LAMC3: variants seen among roughly 807,000 people sequenced by gnomAD.
LAMC3 encodes laminin subunit gamma 3, also known as laminin subunit gamma-3.
LAMC3 carries 128 observed loss-of-function variants against 173.8 expected under a neutral mutation model. The observed-to-expected ratio is 0.74, with a 90% confidence interval of 0.64 to 0.85. The LOEUF is 0.85. LAMC3 is among the 40% of genes least tolerant of loss of function. The probability of loss-of-function intolerance (pLI) is 0.00; values close to 1 mark genes in which losing one functional copy is unlikely to be tolerated. For missense variants in LAMC3, 2,022 were observed against 2,156.0 expected, an observed-to-expected ratio of 0.94 and a Z score of 1.23; for synonymous variants, 897 against 909.1, an observed-to-expected ratio of 0.99 and a Z score of 0.24.
At chr9:131,014,889 G>T (rs756115267) in intron 1 of LAMC3, among the ~76,000 whole-genome samples, 4 of 152,156 alleles carry the variant, frequency 2.6e-5, no homozygotes, top group Non-Finnish European at 5.9e-5. Context: ...AGGCTGAGGT[G>T]GGAGGATCGC....
In LAMC3 at chr9:131,040,338, C is replaced by T. The variant is rs148051009; in HGVS notation, c.1283+1090C>T. ...GATTACAAATGTGCACCACCACACC[C>T]GGCTAATTTTTGTATTTTTTGGTAG... On this transcript the variant is annotated intron_variant, in intron 6 of 27. Transcript: ENST00000361069. Among the ~76,000 whole-genome samples the T allele has an allele frequency of 3.3e-4, 50 of 152,168 alleles. No homozygotes were observed. The East Asian group carries it at 8.1e-3, about 25-fold the overall frequency.
intron 22 of LAMC3, among the ~76,000 whole-genome samples, chr9:131,078,681 G>C (rs1830177183): frequency 6.6e-6 from 1 of 152,170 alleles, no homozygotes; most frequent in South Asian, 2.1e-4. Flanking sequence ...TAGGTCATAG[G>C]TAGAACCTGC....
Position 131,009,421 on chromosome 9 carries a change from C to T in LAMC3, c.207C>T (p.Gly69=), listed in dbSNP as rs376183969. 43 of 1,542,032 alleles carry T rather than the reference C, an allele frequency of 2.8e-5. No individual in the cohort carries two copies. The African/African-American group carries it at 3.6e-4, about 13-fold the overall frequency. Residue 69 remains glycine (G), a synonymous_variant, in exon 1 of 28, where the codon GGC becomes GGT. Coordinates refer to ENST00000361069, the MANE Select transcript of LAMC3 (RefSeq NM_006059.4). The surrounding 1 kb of genome is among the most constrained non-coding windows in gnomAD (Gnocchi z 4.3). The stretch of plus-strand genomic sequence containing the variant: ...TCTGTCCCCACGTGGGCGCCGCGGG[C>T]GCGGGGGCTCATTGCCAGCGCTGCG... ...EDFCPHVGAA[G]AGAHCQRCDA...
chr9:131,053,694 G>A (rs10751514), intron 11 of LAMC3, among the ~76,000 whole-genome samples: 121,462 of 152,038 alleles, frequency 0.8, 49,029 homozygotes, highest in African/African-American at 0.91. Context: ...TTAGCTGGGC[G>A]TGGTGGCACA....
chr9:131,052,366 T>C lies in LAMC3; in HGVS notation c.1631-125T>C, dbSNP rs544288373. ...TGCAGGGTCTGCTGTGCAGGAAGCT[T>C]TTGATTTTCTACCCACTGCACTTTT... is the stretch of plus-strand genomic sequence containing the variant. On this transcript the variant is annotated intron_variant, in intron 9 of 27. Coordinates refer to ENST00000361069, the MANE Select transcript of LAMC3 (RefSeq NM_006059.4). 73 of 908,784 alleles carry C rather than the reference T, an allele frequency of 8.0e-5. No individual in the cohort carries two copies. In the East Asian group the frequency reaches 1.7e-3, roughly 22 times the overall value. 56.3% of individuals were successfully genotyped at this position (908,784 alleles called of 1,614,324 possible). A position where few individuals can be genotyped will look rare whatever the true frequency, so the allele number is the denominator to read the frequency against.
chr9:131,014,869 G>A (rs1304987476), intron 1 of LAMC3, among the ~76,000 whole-genome samples: 5 of 152,218 alleles, frequency 3.3e-5, no homozygotes, highest in Non-Finnish European at 5.9e-5. Flanking sequence ...TGTAGTCCCA[G>A]CTACTTGGAA....
intron 1 of LAMC3, among the ~76,000 whole-genome samples, chr9:131,020,765 G>A (rs564207904): frequency 7.9e-5 from 12 of 152,300 alleles, no homozygotes; most frequent in African/African-American, 1.9e-4. Context: ...GGTCACTTGC[G>A]AGAAGGAGGT....
At chr9:131,068,301 A>T in intron 15 of LAMC3, 70 bp downstream of exon 15, 1 of 1,514,244 alleles carries the variant, frequency 6.6e-7, no homozygotes, top group African/African-American at 1.4e-5. Context: ...GGCAGCCCCC[A>T]GGGAGGGGCC....
In LAMC3 at chr9:131,079,192, C is replaced by T. The variant is rs1313155095; in HGVS notation, c.3821C>T (p.Ala1274Val). The T allele has an allele frequency of 6.2e-7, 1 of 1,614,020 alleles. No individual in the cohort carries two copies. The highest frequency in any genetic ancestry group is 8.5e-7 in the Non-Finnish European group (1 of 1,179,958). ...GAAGACCTGGGCCTGAAGGCGAAGG[C>T]CCTGGAGAAGACAGTTGCATCATGG... ...RAEDLGLKAK[A>V]LEKTVASWQH... The change falls in exon 23 of 28, where the codon GCC (alanine) becomes GTC (valine). Residue 1274 changes from alanine to valine, a missense_variant. Physicochemically the swap from Ala to Val is moderately conservative, Grantham distance 64. Coordinates refer to ENST00000361069, the MANE Select transcript of LAMC3 (RefSeq NM_006059.4).
At chr9:131,046,363 C>T (rs1206016326) in intron 8 of LAMC3, among the ~76,000 whole-genome samples, 7 of 150,020 alleles carry the variant, frequency 4.7e-5, no homozygotes, top group African/African-American at 1.7e-4. Flanking sequence ...CCACCGTGCC[C>T]GGCTAATTTT....
intron 22 of LAMC3, among the ~76,000 whole-genome samples, chr9:131,078,738 A>T (rs1830178227): frequency 6.6e-6 from 1 of 152,220 alleles, no homozygotes; most frequent in Admixed American, 6.5e-5. Flanking sequence ...GAAGCCATCC[A>T]GCCCCCAGAT....
chr9:131,069,212 C>T (rs542952034), intron 16 of LAMC3, among the ~76,000 whole-genome samples, 162 bp downstream of exon 16: 37 of 152,302 alleles, frequency 2.4e-4, no homozygotes, highest in African/African-American at 8.9e-4. Context: ...GCTCCCGTGG[C>T]AGTGGCCGGG....
chr9:131,040,058 A>G (rs573116319), intron 6 of LAMC3, among the ~76,000 whole-genome samples: 4 of 140,402 alleles, frequency 2.8e-5, no homozygotes, highest in African/African-American at 1.0e-4. Context: ...TTTGTCAACC[A>G]GGCTGGAATG....
In LAMC3 at chr9:131,071,483, G is replaced by A. The variant is rs760933843; in HGVS notation, c.3070-1G>A. 2.5e-6 allele frequency: 4 copies of A among 1,613,876 alleles called. No individual in the cohort carries two copies. Among genetic ancestry groups the A allele is most frequent in the Non-Finnish European group, 3.4e-6 (4 of 1,179,942 alleles). Reference sequence around the variant, plus strand: ...ACACCTTTTCTTCCTGTCCTCTCCAGGCAGCCAAGCTGAAGGCCAGACTGA... The same window carrying A: ...ACACCTTTTCTTCCTGTCCTCTCCAAGCAGCCAAGCTGAAGGCCAGACTGA... On this transcript the variant is annotated splice_acceptor_variant, in intron 17 of 27. Transcript: ENST00000361069. LOFTEE classifies it high-confidence loss of function.
At position 131,068,061 on chromosome 9, in the gene LAMC3, C is replaced by T. The variant is rs1195046627; in HGVS notation, c.2594-17C>T. 1.2e-6 allele frequency: 2 copies of T among 1,607,768 alleles called. No homozygotes were observed. The highest frequency in any genetic ancestry group is 1.3e-5 in the African/African-American group (1 of 75,072). ...ATCTGCATTGTTCCCAACACCCCTTCCTGCTCCTGCCCCCAGCTTGCAGCT... is the reference window on the plus strand; with the variant it reads ...ATCTGCATTGTTCCCAACACCCCTTTCTGCTCCTGCCCCCAGCTTGCAGCT... On this transcript the variant is annotated splice_polypyrimidine_tract_variant and intron_variant, in intron 14 of 27. Coordinates refer to ENST00000361069, the MANE Select transcript of LAMC3 (RefSeq NM_006059.4).
At chr9:131,032,567 TTGCTCTCTCTCG>T (rs1447525930) in intron 3 of LAMC3, among the ~76,000 whole-genome samples, 2 of 137,870 alleles carry the variant, frequency 1.5e-5, no homozygotes, top group African/African-American at 3.3e-5. Flanking sequence ...GCTCTCTCTC[TTGCTCTCTCTCG>T]CTTGCTCTCT....
At chr9:131,031,649 G>A (rs1378847082) in intron 2 of LAMC3, among the ~76,000 whole-genome samples, 1 of 152,196 alleles carries the variant, frequency 6.6e-6, no homozygotes, top group Non-Finnish European at 1.5e-5. Flanking sequence ...CTGCACAACC[G>A]GGTCTTCAGT....
At chr9:131,025,177 C>T (rs912227438) in intron 1 of LAMC3, among the ~76,000 whole-genome samples, 3 of 152,168 alleles carry the variant, frequency 2.0e-5, no homozygotes, top group Non-Finnish European at 4.4e-5. Context: ...CTCCGCCCGG[C>T]GCTCTCTGAG....
chr9:131,025,852 A>T (rs1833705345), intron 1 of LAMC3, among the ~76,000 whole-genome samples: 1 of 152,120 alleles, frequency 6.6e-6, no homozygotes, highest in Non-Finnish European at 1.5e-5. Context: ...GGATTAGGAG[A>T]TATGTGGTCA....
Sources: gnomAD v4.1 joint callset for allele counts (sites outside exome capture counted in the v4.1 genomes callset) on GRCh38, gnomAD v4.1.1 for gene constraint, Gnocchi (gnomAD v3.1) non-coding constraint, MANE v1.5 for transcripts, NCBI Gene and HGNC (gene_info 2026-07-23, HGNC 2026-07-21) for gene names.